DKK2: variants seen among roughly 807,000 people sequenced by gnomAD.
DKK2 encodes the protein dickkopf Wnt signaling pathway inhibitor 2.
Under a neutral mutation model 28.1 loss-of-function variants are expected in DKK2, and 11 were observed. The ratio of observed to expected loss-of-function variants is 0.39; its 90% confidence interval spans 0.25 to 0.65. The LOEUF is 0.65. DKK2 is among the 30% of genes least tolerant of loss of function. The probability of loss-of-function intolerance (pLI) is 0.47; values close to 1 mark genes in which losing one functional copy is unlikely to be tolerated. For synonymous variants in DKK2, 135 were observed against 126.5 expected (o/e 1.07, Z -0.45); for missense variants, 326 against 335.5 (o/e 0.97, Z 0.22).
chr4:106,978,871 C>G (rs142596875), intron 1 of DKK2, among the ~76,000 whole-genome samples: 1 of 151,910 alleles, frequency 6.6e-6, no homozygotes, highest in Non-Finnish European at 1.5e-5. Context: ...GTGCTTGAAA[C>G]CCAGGGCCCT....
At chr4:107,014,285 A>G (rs1040377007) in intron 1 of DKK2, among the ~76,000 whole-genome samples, 6 of 151,654 alleles carry the variant, frequency 4.0e-5, no homozygotes, top group African/African-American at 1.2e-4. Flanking sequence ...GCATATATAC[A>G]CAATAGAATA....
At chr4:107,019,328 A>T (rs2110372588) in intron 1 of DKK2, among the ~76,000 whole-genome samples, 1 of 152,122 alleles carries the variant, frequency 6.6e-6, no homozygotes, top group South Asian at 2.1e-4. Flanking sequence ...GTCACATGGG[A>T]TCACAGATAC....
intron 1 of DKK2, among the ~76,000 whole-genome samples, chr4:107,013,549 A>T (rs867705444): frequency 1.3e-5 from 2 of 151,544 alleles, no homozygotes; most frequent in Non-Finnish European, 3.0e-5. Context: ...AGAATGGATT[A>T]ACTACTTAAT....
At chr4:106,971,170 T>C (rs1287337965) in intron 1 of DKK2, among the ~76,000 whole-genome samples, 5 of 152,076 alleles carry the variant, frequency 3.3e-5, no homozygotes. Context: ...TTATTTGGGT[T>C]ACTTTGGAGA....
At chr4:106,935,535 GGT>G (rs2110341636) in intron 1 of DKK2, among the ~76,000 whole-genome samples, 1 of 152,344 alleles carries the variant, frequency 6.6e-6, no homozygotes, top group East Asian at 1.9e-4. Context: ...AGCGAGGCTG[GGT>G]GAGGGGCGCC....
intron 1 of DKK2, among the ~76,000 whole-genome samples, chr4:106,960,293 T>C (rs1722668235): frequency 1.3e-5 from 2 of 152,044 alleles, no homozygotes; most frequent in Admixed American, 1.3e-4. Flanking sequence ...AACTGGAGGC[T>C]ACAATTCTAA....
intron 1 of DKK2, 92 bp downstream of exon 1, chr4:107,035,278 C>T (rs1228641203): frequency 2.1e-6 from 3 of 1,438,160 alleles, no homozygotes; most frequent in South Asian, 2.5e-5. Flanking sequence ...GGCCACGCTC[C>T]GAATGTTGCA....
intron 1 of DKK2, among the ~76,000 whole-genome samples, chr4:106,931,750 A>G (rs1413252735): frequency 6.6e-6 from 1 of 152,178 alleles, no homozygotes; most frequent in Non-Finnish European, 1.5e-5. Context: ...ATTATAAAAT[A>G]TACAAGTCAT....
intron 1 of DKK2, among the ~76,000 whole-genome samples, chr4:106,944,403 T>C (rs572237691): frequency 2.6e-5 from 4 of 152,260 alleles, no homozygotes; most frequent in South Asian, 4.1e-4. Context: ...TTTCAAATAA[T>C]GTCTGCAATC....
At chr4:106,930,958 ATAT>A (rs1323783951) in intron 1 of DKK2, among the ~76,000 whole-genome samples, 1 of 152,166 alleles carries the variant, frequency 6.6e-6, no homozygotes, top group Non-Finnish European at 1.5e-5. Flanking sequence ...CCTCATCATG[ATAT>A]TCTACATGAT....
chr4:107,033,408 G>C (rs1192637669), intron 1 of DKK2, among the ~76,000 whole-genome samples: 1 of 152,112 alleles, frequency 6.6e-6, no homozygotes, highest in African/African-American at 2.4e-5. Flanking sequence ...TATTTGGAGA[G>C]GTAGCACCAC....
rs1724399460 is a variant in DKK2 at position 106,924,600 on chromosome 4, A to C, written c.474T>G (p.His158Gln). 1.9e-6 allele frequency: 3 copies of C among 1,613,914 alleles called. No individual in the cohort carries two copies. Among genetic ancestry groups the C allele is most frequent in the Non-Finnish European group, 2.5e-6 (3 of 1,179,888 alleles). Reference sequence around the variant, plus strand: ...TTCCTAGATTCTGCCATCCCAAGTCATGGTTTGAGTAATGACCGTGGTTTC... The same window carrying C: ...TTCCTAGATTCTGCCATCCCAAGTCCTGGTTTGAGTAATGACCGTGGTTTC... ...RDRNHGHYSN[H>Q]DLGWQNLGRP... The change falls in exon 3 of 4, where the codon CAT (histidine) becomes CAG (glutamine). Residue 158 changes from histidine (H) to glutamine (Q), a missense_variant. His to Gln is a conservative substitution (Grantham distance 24, BLOSUM62 0). Transcript: ENST00000285311.
intron 1 of DKK2, among the ~76,000 whole-genome samples, chr4:106,932,266 A>AT (rs1041380155): frequency 2.6e-5 from 4 of 152,112 alleles, no homozygotes; most frequent in Admixed American, 6.6e-5. Flanking sequence ...TTAGGAATGG[A>AT]TTTTTTCTAG....
chr4:107,024,625 G>A (rs186959078), intron 1 of DKK2, among the ~76,000 whole-genome samples: 4 of 152,182 alleles, frequency 2.6e-5, no homozygotes, highest in Non-Finnish European at 4.4e-5. Flanking sequence ...AGGGTGGCAC[G>A]GTCTTAAATT....
chr4:106,926,683 C>T (rs996760030), intron 1 of DKK2, among the ~76,000 whole-genome samples: 3 of 152,092 alleles, frequency 2.0e-5, no homozygotes, highest in Non-Finnish European at 4.4e-5. Context: ...GGCTACTACG[C>T]CTTCTATTGT....
chr4:106,949,493 C>T (rs571594260), intron 1 of DKK2, among the ~76,000 whole-genome samples: 8 of 152,198 alleles, frequency 5.3e-5, no homozygotes, highest in African/African-American at 1.4e-4. Flanking sequence ...TCTGCCCATA[C>T]ATCAAATAAA....
intron 1 of DKK2, among the ~76,000 whole-genome samples, chr4:107,014,048 T>C (rs1457472941): frequency 6.6e-6 from 1 of 151,410 alleles, no homozygotes; most frequent in Non-Finnish European, 1.5e-5. Flanking sequence ...GGAATGAAAA[T>C]TAATGCAGCC....
chr4:107,028,795 C>T (rs911538445), intron 1 of DKK2, among the ~76,000 whole-genome samples: 2 of 152,186 alleles, frequency 1.3e-5, no homozygotes, highest in African/African-American at 2.4e-5. Flanking sequence ...GACATGTCAG[C>T]CAAACAAACA....
At chr4:106,959,386 C>T (rs1439000811) in intron 1 of DKK2, among the ~76,000 whole-genome samples, 5 of 152,082 alleles carry the variant, frequency 3.3e-5, no homozygotes, top group African/African-American at 9.7e-5. Context: ...AAATAGTTGG[C>T]TTGCTGTACT....
Sources: allele counts gnomAD v4.1 joint callset (sites outside exome capture counted in the v4.1 genomes callset), GRCh38; gene constraint gnomAD v4.1.1; transcripts MANE v1.5; gene names NCBI Gene and HGNC (gene_info 2026-07-23, HGNC 2026-07-21).